TDRD1: variants seen among roughly 807,000 people sequenced by gnomAD.
TDRD1 encodes tudor domain containing 1.
Under a neutral mutation model 140.6 loss-of-function variants are expected in TDRD1, and 37 were observed. The ratio of observed to expected loss-of-function variants is 0.26; its 90% CI spans 0.20 to 0.35. TDRD1 has a LOEUF of 0.35. Among genes scored for constraint, TDRD1 ranks in the 10% least tolerant of loss-of-function variants. TDRD1 has a pLI of 1.00. For missense variants in TDRD1, 1,243 were observed against 1,393.0 expected, an observed-to-expected ratio of 0.89 and a Z score of 1.71; for synonymous variants, 506 against 475.7, an observed-to-expected ratio of 1.06 and a Z score of -0.83.
chr10:114,203,977 T>G, intron 8 of TDRD1, 96 bp from the exon 9 acceptor site: 1 of 1,454,908 alleles, frequency 6.9e-7, no homozygotes, highest in South Asian at 1.3e-5. Context: ...AACAGGAGCC[T>G]TTCCTTTGCA....
intron 1 of TDRD1, among the ~76,000 whole-genome samples, chr10:114,180,536 G>A (rs1310102351): frequency 6.6e-6 from 1 of 152,168 alleles, no homozygotes. Context: ...CGCGATCCCA[G>A]CTCACTGCAA....
intron 19 of TDRD1, among the ~76,000 whole-genome samples, 194 bp downstream of exon 19, chr10:114,221,037 T>C (rs1396704179): frequency 6.6e-6 from 1 of 152,170 alleles, no homozygotes; most frequent in African/African-American, 2.4e-5. Flanking sequence ...GATAAACATA[T>C]ACAGAGATAT....
At chr10:114,201,487 A>G in exon 5 of TDRD1, 1 of 1,613,686 alleles carries the variant, frequency 6.2e-7, no homozygotes, top group East Asian at 2.2e-5. Context: ...GTCTGCACAC[A>G]GCATCGTGTG....
chr10:114,194,667 T>A (rs1209503222), intron 3 of TDRD1, among the ~76,000 whole-genome samples: 1 of 151,944 alleles, frequency 6.6e-6, no homozygotes. Flanking sequence ...TTTCTTCTTT[T>A]ATCTTTATTA....
chr10:114,204,354 A>G, intron 9 of TDRD1, 138 bp downstream of exon 9: 1 of 947,560 alleles, frequency 1.1e-6, no homozygotes, highest in Non-Finnish European at 1.5e-6. Context: ...CTCATGGGCT[A>G]TCTTGACCTT....
intron 2 of TDRD1, among the ~76,000 whole-genome samples, chr10:114,189,570 T>A (rs1169675976): frequency 6.6e-6 from 1 of 152,160 alleles, no homozygotes; most frequent in Non-Finnish European, 1.5e-5. Flanking sequence ...TCTGGTGAGA[T>A]GCATGATGAT....
chr10:114,177,157 C>T (rs1434044813), upstream of TDRD1, among the ~76,000 whole-genome samples: 1 of 152,150 alleles, frequency 6.6e-6, no homozygotes, highest in Non-Finnish European at 1.5e-5. Context: ...AGACAAATCT[C>T]CCATGCAGAA....
chr10:114,227,177 A>G, exon 23 of TDRD1: 2 of 1,612,378 alleles, frequency 1.2e-6, no homozygotes, highest in Non-Finnish European at 1.7e-6. Context: ...ATTACAAAGA[A>G]TGTCCATACA....
intron 21 of TDRD1, among the ~76,000 whole-genome samples, chr10:114,224,329 C>T (rs549468434): frequency 1.7e-3 from 262 of 152,170 alleles, no homozygotes; most frequent in Non-Finnish European, 2.9e-3. Flanking sequence ...ATGTTTTTTC[C>T]GCCTTTCTGG....
At position 114,227,160 on chromosome 10, in the gene TDRD1, G is replaced by A. The variant is rs1390430576; in HGVS notation, c.3264G>A (p.Val1088=). Residue 1088 remains valine, a synonymous_variant, in exon 23 of 26, where the codon GTG becomes GTA. Transcript: ENST00000251864. ...TGAATCAGAATGTAATGCTTTCTGT[G>A]AAAGGAATTACAAAGAATGTCCATA... 5 of 1,609,042 alleles carry A rather than the reference G, an allele frequency of 3.1e-6. No homozygotes were observed. The African/African-American group carries it at 5.3e-5, about 17-fold the overall frequency.
At chr10:114,222,780 GGTA>G in intron 21 of TDRD1, 77 bp downstream of exon 21, 1 of 816,916 alleles carries the variant, frequency 1.2e-6, no homozygotes. Context: ...TGTAGATTTT[GGTA>G]TTTTAGCTGC....
chr10:114,225,349 A>G (rs1310372553), intron 21 of TDRD1, among the ~76,000 whole-genome samples: 1 of 152,116 alleles, frequency 6.6e-6, no homozygotes, highest in East Asian at 1.9e-4. Context: ...ACTCCATCTT[A>G]ACTCCTGCTT....
chr10:114,187,151 A>G (rs1240494758), intron 1 of TDRD1, among the ~76,000 whole-genome samples: 1 of 152,222 alleles, frequency 6.6e-6, no homozygotes, highest in Non-Finnish European at 1.5e-5. Context: ...AAACTTGGAA[A>G]GCTTGCAACA....
At chr10:114,225,173 T>G in intron 21 of TDRD1, among the ~76,000 whole-genome samples, 1 of 152,224 alleles carries the variant, frequency 6.6e-6, no homozygotes, top group East Asian at 1.9e-4. Context: ...AAACCTCCAG[T>G]CTTCTGCCCT....
upstream of TDRD1, among the ~76,000 whole-genome samples, chr10:114,177,238 T>C (rs956084292): frequency 6.6e-6 from 1 of 152,142 alleles, no homozygotes; most frequent in Non-Finnish European, 1.5e-5. Flanking sequence ...TCCTTAAATG[T>C]GGGCTTCAAA....
rs75294873 is a variant in TDRD1 at position 114,203,053 on chromosome 10, G to A, written c.697-19G>A. The A allele has an allele frequency of 0.049, 75,269 of 1,545,254 alleles. 2,140 individuals carry two copies. Among genetic ancestry groups the A allele is most frequent in the South Asian group, 0.077 (6,935 of 89,576 alleles). Reference sequence around the variant, plus strand: ...ATGTGCTTTTAAGTAACTCACTTCTGTGGTATTTTTCAAACCAGAGTGACT... The same window carrying A: ...ATGTGCTTTTAAGTAACTCACTTCTATGGTATTTTTCAAACCAGAGTGACT... On this transcript the variant is annotated intron_variant, in intron 6 of 25. Transcript: ENST00000251864.
At chr10:114,186,707 C>T (rs909527635) in intron 1 of TDRD1, among the ~76,000 whole-genome samples, 1 of 152,190 alleles carries the variant, frequency 6.6e-6, no homozygotes, top group Non-Finnish European at 1.5e-5. Context: ...CCCATCGCTG[C>T]CCACCTGCAG....
At chr10:114,202,349 A>C (rs2034806772) in intron 6 of TDRD1, 51 bp downstream of exon 6, 4 of 1,248,586 alleles carry the variant, frequency 3.2e-6, no homozygotes, top group Non-Finnish European at 4.5e-6. Context: ...TTATTGAATT[A>C]AGATGTAAGA....
chr10:114,192,564 G>A lies in TDRD1; in HGVS notation c.384+1545G>A, dbSNP rs142077484. ...CTCATGATCCGCCTGCCTCGGCCTC[G>A]CAAAGTGCTAGGATTACAGGCGTGA... is the stretch of plus-strand genomic sequence containing the variant. On this transcript the variant is annotated intron_variant, in intron 3 of 25. Coordinates refer to ENST00000251864, the Ensembl canonical transcript of TDRD1. Among the ~76,000 whole-genome samples, 22 of 151,890 alleles carry A rather than the reference G, an allele frequency of 1.4e-4. No homozygotes were observed. The South Asian group carries it at 2.1e-3, about 14-fold the overall frequency.
Sources: allele counts gnomAD v4.1 joint callset (sites outside exome capture counted in the v4.1 genomes callset), GRCh38; gene constraint gnomAD v4.1.1; transcripts MANE v1.5; gene names NCBI Gene and HGNC (gene_info 2026-07-23, HGNC 2026-07-21).